SPATA7: variants seen among roughly 807,000 people sequenced by gnomAD.
The protein encoded by SPATA7 is spermatogenesis-associated protein 7.
A neutral mutation model predicts 51.8 loss-of-function variants in SPATA7; 43 were observed. That is an observed-to-expected ratio of 0.83 (90% CI 0.65 to 1.07). The LOEUF is 1.07. Among genes scored for constraint, SPATA7 ranks in the 50% least tolerant of loss-of-function variants. The probability of loss-of-function intolerance (pLI) is 0.00; values close to 1 mark genes in which losing one functional copy is unlikely to be tolerated. For synonymous variants in SPATA7, 230 were observed against 252.8 expected (o/e 0.91, Z 0.86); for missense variants, 683 against 701.3 (o/e 0.97, Z 0.30).
intron 3 of SPATA7, 91 bp downstream of exon 3, chr14:88,393,579 C>T (rs1197982809): frequency 1.1e-6 from 1 of 919,846 alleles, no homozygotes; most frequent in Non-Finnish European, 1.7e-6. Context: ...AAATGAATAC[C>T]TTATATATAT....
At chr14:88,458,321 C>G (rs945903970), downstream of SPATA7, among the ~76,000 whole-genome samples, 2 of 152,256 alleles carry the variant, frequency 1.3e-5, no homozygotes, top group East Asian at 3.9e-4. Flanking sequence ...TCTTGTACCT[C>G]TAGTAGAATT....
At chr14:88,450,153 C>A (rs778481540) in intron 3 of SPATA7, among the ~76,000 whole-genome samples, 1 of 151,968 alleles carries the variant, frequency 6.6e-6, no homozygotes, top group African/African-American at 2.4e-5. Context: ...GCAGGAGTAG[C>A]TATTCCACCC....
chr14:88,412,733 T>G (rs2076376974), intron 4 of SPATA7, among the ~76,000 whole-genome samples: 1 of 152,224 alleles, frequency 6.6e-6, no homozygotes, highest in South Asian at 2.1e-4. Flanking sequence ...TACAAATATA[T>G]TCTCCCATTC....
downstream of SPATA7, among the ~76,000 whole-genome samples, chr14:88,457,384 G>A (rs561111027): frequency 3.9e-5 from 6 of 152,200 alleles, no homozygotes; most frequent in South Asian, 1.0e-3. Flanking sequence ...ATTTGTTTGT[G>A]TCTTCTTTTA....
At chr14:88,418,081 C>A (rs2076536690) in intron 5 of SPATA7, among the ~76,000 whole-genome samples, 1 of 152,146 alleles carries the variant, frequency 6.6e-6, no homozygotes, top group Admixed American at 6.5e-5. Flanking sequence ...TTCTCTTAAT[C>A]TCTTCTGAAT....
intron 11 of SPATA7, 93 bp from the exon 12 acceptor site, chr14:88,437,745 G>C: frequency 7.2e-7 from 1 of 1,397,316 alleles, no homozygotes; most frequent in Non-Finnish European, 9.7e-7. Flanking sequence ...GAAGTGAAAG[G>C]AAAAGTATTA....
At position 88,437,932 on chromosome 14, in the gene SPATA7, A is replaced by G; in HGVS notation, c.1310A>G (p.Asn437Ser). The change falls in exon 12 of 12, where the codon AAT (asparagine) becomes AGT (serine). Residue 437 changes from asparagine (N) to serine (S), a missense_variant. Physicochemically the swap from Asn to Ser is conservative, Grantham distance 46. Coordinates refer to ENST00000393545, the MANE Select transcript of SPATA7 (RefSeq NM_018418.5). Reference protein sequence around the residue: ...SVKQNDVDMLNVFDFEKAGNS... With the variant: ...SVKQNDVDMLSVFDFEKAGNS... ...AAGCAAAATGATGTTGATATGTTGA[A>G]TGTATTTGATTTTGAAAAGGCTGGG... is the stretch of plus-strand genomic sequence containing the variant. 1 of 1,613,906 alleles carries G rather than the reference A, an allele frequency of 6.2e-7. No homozygotes were observed. The highest frequency in any genetic ancestry group is 8.5e-7 in the Non-Finnish European group (1 of 1,179,926).
At chr14:88,407,894 A>C (rs1030805733) in intron 4 of SPATA7, among the ~76,000 whole-genome samples, 1 of 151,990 alleles carries the variant, frequency 6.6e-6, no homozygotes, top group Non-Finnish European at 1.5e-5. Context: ...TTTTTCTCAG[A>C]TTTGTCAAAG....
At chr14:88,468,131 G>A (rs1389471269) in intron 4 of SPATA7, 1 of 1,613,740 alleles carries the variant, frequency 6.2e-7, no homozygotes, top group East Asian at 2.2e-5. Context: ...AAGAAATTGT[G>A]GGAGCTTAGA....
At chr14:88,457,490 G>T (rs1032960764), downstream of SPATA7, among the ~76,000 whole-genome samples, 1 of 141,342 alleles carries the variant, frequency 7.1e-6, no homozygotes, top group Non-Finnish European at 1.5e-5. Context: ...TGAAGCAACT[G>T]TGAATGGGAG....
At chr14:88,395,001 A>G (rs1402829156) in intron 3 of SPATA7, among the ~76,000 whole-genome samples, 1 of 152,152 alleles carries the variant, frequency 6.6e-6, no homozygotes, top group Non-Finnish European at 1.5e-5. Context: ...GTTTCTTTAT[A>G]TACAGATTCT....
chr14:88,385,990 C>G (rs766242619), intron 1 of SPATA7, 153 bp downstream of exon 1: 3 of 1,502,334 alleles, frequency 2.0e-6, no homozygotes, highest in Non-Finnish European at 2.7e-6. Context: ...CTGCCCAGGC[C>G]TGCGCAAAGG....
rs1191341134 is a variant in SPATA7 at position 88,448,796 on chromosome 14, CG to C, written c.178-6259del. ...GGGGGTGCCTCCCAGTTAGGCTGCTCGGGGGTCAGGGGTCAGGGACCTACTT... is the reference window on the plus strand; with the variant it reads ...GGGGGTGCCTCCCAGTTAGGCTGCTCGGGGTCAGGGGTCAGGGACCTACTT... On this transcript the variant is annotated intron_variant, in intron 3 of 3. Coordinates refer to the SPATA7 transcript ENST00000554802. Among the ~76,000 whole-genome samples the C allele has an allele frequency of 4.6e-5, 7 of 151,514 alleles. 1 individual carries two copies. The South Asian group carries it at 6.3e-4, about 14-fold the overall frequency.
chr14:88,462,207 C>T (rs1301308064), intron 4 of SPATA7, among the ~76,000 whole-genome samples: 1 of 152,248 alleles, frequency 6.6e-6, no homozygotes, highest in Non-Finnish European at 1.5e-5. Flanking sequence ...TTTGGACCGT[C>T]TCAGCATATG....
In SPATA7 at chr14:88,469,913, A is replaced by C; in HGVS notation, c.*46A>C. 1 of 1,613,924 alleles carries C rather than the reference A, an allele frequency of 6.2e-7. No individual in the cohort carries two copies. The highest frequency in any genetic ancestry group is 8.5e-7 in the Non-Finnish European group (1 of 1,179,962). Reference sequence around the variant, plus strand: ...CTGAGAAAATCACTTAAGAGAAATAAGTACCTACCTCTTCTGCTGTCACCA... The same window carrying C: ...CTGAGAAAATCACTTAAGAGAAATACGTACCTACCTCTTCTGCTGTCACCA... On this transcript the variant is annotated 3_prime_UTR_variant, in exon 5 of 5. Coordinates refer to the SPATA7 transcript ENST00000556406. The surrounding 1 kb of genome is among the most constrained non-coding windows in gnomAD (Gnocchi z 4.3).
At position 88,438,107 on chromosome 14, in the gene SPATA7, T is replaced by G. The variant is rs778726287; in HGVS notation, c.1485T>G (p.Ile495Met). Residue 495 changes from isoleucine (I) to methionine (M), a missense_variant, in exon 12 of 12, where the codon ATT (isoleucine) becomes ATG (methionine). By Grantham distance (10) the Ile-to-Met change is conservative (BLOSUM62 1). Coordinates refer to ENST00000393545, the MANE Select transcript of SPATA7 (RefSeq NM_018418.5). Reference protein sequence around the residue: ...FPSPTEFFMPIYKSKHSEGVI... With the variant: ...FPSPTEFFMPMYKSKHSEGVI... ...CACCAACTGAATTTTTCATGCCTAT[T>G]TATAAATCAAAGCATTCAGAAGGGG... is the stretch of plus-strand genomic sequence containing the variant. 14 of 1,613,956 alleles carry G rather than the reference T, an allele frequency of 8.7e-6. No individual in the cohort carries two copies. Among genetic ancestry groups the G allele is most frequent in the African/African-American group, 2.7e-5 (2 of 74,930 alleles).
intron 3 of SPATA7, among the ~76,000 whole-genome samples, chr14:88,452,753 C>T (rs572721444): frequency 6.6e-6 from 1 of 152,180 alleles, no homozygotes; most frequent in East Asian, 1.9e-4. Context: ...CCATGCCACT[C>T]TCTTCTTTAA....
Position 88,438,220 on chromosome 14 carries a change from A to G in SPATA7, c.1598A>G (p.Asp533Gly), listed in dbSNP as rs2140031261. The change falls in exon 12 of 12, where the codon GAT becomes GGT. Residue 533 changes from aspartate to glycine, a missense_variant. Transcript: ENST00000393545. The part of the protein sequence containing the change: ...NHPSISDSLT[D>G]RETSVNVIEG... The stretch of plus-strand genomic sequence containing the variant: ...CCAAGTATTTCAGACAGTTTAACAG[A>G]TCGGGAAACTTCTGTGAATGTCATT... 2 of 1,614,090 alleles carry G rather than the reference A, an allele frequency of 1.2e-6. No homozygotes were observed. Among genetic ancestry groups the G allele is most frequent in the Admixed American group, 3.3e-5 (2 of 60,016 alleles).
At chr14:88,428,987 A>G (rs1032479492) in intron 7 of SPATA7, 4 of 220,674 alleles carry the variant, frequency 1.8e-5, no homozygotes, top group Admixed American at 1.1e-4. Context: ...CATATTTGAC[A>G]TGTTGGCATT....
Sources: gnomAD v4.1 joint callset for allele counts (sites outside exome capture counted in the v4.1 genomes callset) on GRCh38, gnomAD v4.1.1 for gene constraint, Gnocchi (gnomAD v3.1) non-coding constraint, MANE v1.5 for transcripts, NCBI Gene and HGNC (gene_info 2026-07-23, HGNC 2026-07-21) for gene names.